The following FOXP4 variants were observed in gnomAD, a reference collection of about 807,000 sequenced individuals.
FOXP4 encodes forkhead box protein P4.
Under a neutral mutation model 82.6 loss-of-function variants are expected in FOXP4, and 25 were observed. The observed-to-expected ratio is 0.30, with a 90% CI of 0.22 to 0.42. FOXP4 has a LOEUF of 0.42. Among genes scored for constraint, FOXP4 ranks in the 10% least tolerant of loss-of-function variants. The pLI, the probability that FOXP4 is intolerant of heterozygous loss-of-function variation, is 1.00. For synonymous variants in FOXP4, 415 were observed against 388.2 expected, an observed-to-expected ratio of 1.07 and a Z score of -0.81; for missense variants, 785 against 900.9, an observed-to-expected ratio of 0.87 and a Z score of 1.65.
intron 1 of FOXP4, chr6:41,548,357 T>C (rs1763786491): frequency 6.6e-6 from 1 of 152,148 alleles, no homozygotes; most frequent in Admixed American, 6.5e-5. Context: ...CGGGAGCATT[T>C]TGGCCAATGC....
chr6:41,598,090 T>C, intron 16 of FOXP4, 140 bp downstream of exon 16: 1 of 675,242 alleles, frequency 1.5e-6, no homozygotes, highest in Non-Finnish European at 2.3e-6. Context: ...CTCTCTTCCT[T>C]CCCTCAGCCC....
chr6:41,551,071 T>A (rs1334368446), intron 1 of FOXP4, among the ~76,000 whole-genome samples: 4 of 152,198 alleles, frequency 2.6e-5, no homozygotes, highest in Non-Finnish European at 5.9e-5. Flanking sequence ...TTCAGTCCAC[T>A]GCCAGTTCCA....
chr6:41,595,746 G>A (rs1766795271), intron 14 of FOXP4, among the ~76,000 whole-genome samples: 1 of 152,046 alleles, frequency 6.6e-6, no homozygotes, highest in African/African-American at 2.4e-5. Flanking sequence ...AGAATTACAG[G>A]TGCCCACGAC....
chr6:41,595,580 TA>T (rs1232317829), intron 14 of FOXP4, among the ~76,000 whole-genome samples: 12 of 152,092 alleles, frequency 7.9e-5, no homozygotes, highest in African/African-American at 1.9e-4. Flanking sequence ...ATTTATTTAT[TA>T]TTTTTTTAAT....
rs1291076256 is a variant in FOXP4, at chr6:41,589,752, G to A, written c.1066-19G>A. The A allele has an allele frequency of 6.2e-7, 1 of 1,609,088 alleles. No homozygotes were observed. Among genetic ancestry groups the A allele is most frequent in the Admixed American group, 1.7e-5 (1 of 59,962 alleles). ...GGGTTCAGCCTCCCGCTCACCTCCT[G>A]CTTTGCCACCCTCCACAGCTCGCCA... is the stretch of plus-strand genomic sequence containing the variant. On this transcript the variant is annotated intron_variant, in intron 9 of 16. Transcript: ENST00000307972.
At position 41,587,008 on chromosome 6, in the gene FOXP4, G is replaced by A. The variant is rs1310792213; in HGVS notation, c.511-1G>A. On this transcript the variant is annotated splice_acceptor_variant, in intron 5 of 16. Coordinates refer to ENST00000307972, the MANE Select transcript of FOXP4 (RefSeq NM_001012426.2). LOFTEE classifies it high-confidence loss of function. ...GCCCGCCCCCTCGGGCCCCTCACCA[G>A]GCACTGGGGAACAAGCAGCTGGCCT... The A allele has an allele frequency of 6.3e-7, 1 of 1,583,278 alleles. No homozygotes were observed. The highest frequency in any genetic ancestry group is 8.6e-7 in the Non-Finnish European group (1 of 1,159,856).
At chr6:41,577,923 TCC>T in intron 2 of FOXP4, 61 bp from the exon 3 acceptor site, 3 of 1,246,518 alleles carry the variant, frequency 2.4e-6, no homozygotes, top group Non-Finnish European at 3.4e-6. Flanking sequence ...CCCCAAACAC[TCC>T]CTAATCCCTG....
intron 8 of FOXP4, 146 bp downstream of exon 8, chr6:41,588,043 G>GC (rs1413987829): frequency 2.4e-5 from 14 of 594,518 alleles, no homozygotes; most frequent in Non-Finnish European, 4.0e-5. Context: ...TTCTTTCTCT[G>GC]CCCCCCACGG....
chr6:41,554,565 C>T (rs1285572668), intron 1 of FOXP4, among the ~76,000 whole-genome samples: 8 of 152,152 alleles, frequency 5.3e-5, no homozygotes, highest in East Asian at 1.9e-4. Flanking sequence ...GTCTGAAGGA[C>T]TCTGCAGGGT....
intron 5 of FOXP4, among the ~76,000 whole-genome samples, chr6:41,586,266 A>G (rs1300612894): frequency 6.6e-6 from 1 of 152,076 alleles, no homozygotes; most frequent in Non-Finnish European, 1.5e-5. Context: ...TTGAATAGCC[A>G]GCCCCCACCC....
At position 41,591,377 on chromosome 6, in the gene FOXP4, T is replaced by C. The variant is rs1766506270; in HGVS notation, c.1536+55T>C. The stretch of plus-strand genomic sequence containing the variant: ...CCCAGTCACCCTTGGACCTGCCATA[T>C]CCCATGGAGACCAAGGCTGCCTAAC... On this transcript the variant is annotated intron_variant, in intron 13 of 16. Coordinates refer to ENST00000307972, the MANE Select transcript of FOXP4 (RefSeq NM_001012426.2). This position sits in a 1 kb window ranked among gnomAD's most constrained non-coding sequence, Gnocchi z 4.2. 1 of 1,416,788 alleles carries C rather than the reference T, an allele frequency of 7.1e-7. No homozygotes were observed. The highest frequency in any genetic ancestry group is 9.8e-7 in the Non-Finnish European group (1 of 1,025,486). The allele number at this position is 1,416,788 out of a possible 1,614,324, so 87.8% of individuals were successfully genotyped here. A position where few individuals can be genotyped will look rare whatever the true frequency, so the allele number is the denominator to read the frequency against.
chr6:41,561,799 C>T (rs1764596928), intron 1 of FOXP4, among the ~76,000 whole-genome samples: 1 of 152,168 alleles, frequency 6.6e-6, no homozygotes, highest in South Asian at 2.1e-4. Flanking sequence ...GAGAAGAGAC[C>T]TTCAGGACCA....
intron 2 of FOXP4, among the ~76,000 whole-genome samples, chr6:41,573,401 A>G (rs985576578): frequency 1.3e-5 from 2 of 151,714 alleles, no homozygotes; most frequent in Non-Finnish European, 2.9e-5. Context: ...CACCATCCCA[A>G]CCGCCCTCCC....
At chr6:41,598,121 A>T (rs1432093007) in intron 16 of FOXP4, among the ~76,000 whole-genome samples, 171 bp downstream of exon 16, 1 of 107,592 alleles carries the variant, frequency 9.3e-6, no homozygotes, top group Non-Finnish European at 1.9e-5. Flanking sequence ...CCCTTGTCCC[A>T]CCTGCCTGTT....
At chr6:41,584,020 T>G (rs1412710086) in intron 3 of FOXP4, among the ~76,000 whole-genome samples, 2 of 152,082 alleles carry the variant, frequency 1.3e-5, no homozygotes, top group Non-Finnish European at 2.9e-5. Flanking sequence ...CTTGCTAGAG[T>G]CACACAGCCA....
At chr6:41,572,323 G>A (rs555165867) in intron 2 of FOXP4, among the ~76,000 whole-genome samples, 1 of 152,246 alleles carries the variant, frequency 6.6e-6, no homozygotes, top group African/African-American at 2.4e-5. Flanking sequence ...CAGCCAGCCA[G>A]CCTCCATGGG....
chr6:41,550,358 G>A (rs1763929354), intron 1 of FOXP4, among the ~76,000 whole-genome samples: 1 of 152,258 alleles, frequency 6.6e-6, no homozygotes, highest in Non-Finnish European at 1.5e-5. Flanking sequence ...GTGCATGGTA[G>A]TACTGATCAA....
chr6:41,574,951 TTGTTTTGTTTTG>T (rs1269426887), intron 2 of FOXP4, among the ~76,000 whole-genome samples: 1 of 150,700 alleles, frequency 6.6e-6, no homozygotes, highest in Non-Finnish European at 1.5e-5. Flanking sequence ...CATTCGTGTT[TTGTTTTGTTTTG>T]TGTTTTGTTT....
intron 9 of FOXP4, among the ~76,000 whole-genome samples, chr6:41,589,527 G>T (rs1326127223): frequency 6.6e-6 from 1 of 152,224 alleles, no homozygotes; most frequent in African/African-American, 2.4e-5. Flanking sequence ...CACTGGGAGG[G>T]CTCAAATGGT....
Sources: allele counts gnomAD v4.1 joint callset (sites outside exome capture counted in the v4.1 genomes callset), GRCh38; gene constraint gnomAD v4.1.1; non-coding constraint Gnocchi (gnomAD v3.1); transcripts MANE v1.5; gene names NCBI Gene and HGNC (gene_info 2026-07-23, HGNC 2026-07-21).